GRIK3: variants seen among roughly 807,000 people sequenced by gnomAD.
GRIK3 encodes the protein glutamate ionotropic receptor kainate type subunit 3.
GRIK3 carries 29 observed loss-of-function variants against 102.5 expected under a neutral mutation model. That is an observed-to-expected ratio of 0.28 (90% CI 0.21 to 0.39). The LOEUF is 0.39. Ranked by LOEUF, GRIK3 falls within the 10% of genes least tolerant of loss-of-function variation. The pLI is 1.00. For synonymous variants in GRIK3, 511 were observed against 504.9 expected (o/e 1.01, Z -0.16); for missense variants, 908 against 1,252.4 (o/e 0.73, Z 4.15).
chr1:36,798,179 G>A lies in GRIK3; in HGVS notation c.*3672C>T, dbSNP rs1035704809. 6 of 152,348 alleles carry A rather than the reference G, an allele frequency of 3.9e-5. No individual in the cohort carries two copies. Among genetic ancestry groups the A allele is most frequent in the Non-Finnish European group, 7.3e-5 (5 of 68,132 alleles). The allele number at this position is 152,348 out of a possible 1,614,324, so 9.4% of individuals were successfully genotyped here. On this transcript the variant is annotated 3_prime_UTR_variant, in exon 16 of 16. Transcript: ENST00000373091. Reference sequence around the variant, plus strand: ...AGAAACCAGCAGCAGGACAAGGGGAGAGTGATTGGGAGGGCTCACTGTCCT... The same window carrying A: ...AGAAACCAGCAGCAGGACAAGGGGAAAGTGATTGGGAGGGCTCACTGTCCT...
At chr1:36,976,742 A>G (rs1642200218) in intron 1 of GRIK3, among the ~76,000 whole-genome samples, 1 of 152,140 alleles carries the variant, frequency 6.6e-6, no homozygotes, top group South Asian at 2.1e-4. Context: ...CATCTGAGTT[A>G]CAGTCCCTTC....
chr1:36,899,972 A>T (rs945714150), intron 1 of GRIK3, among the ~76,000 whole-genome samples: 1 of 152,246 alleles, frequency 6.6e-6, no homozygotes, highest in African/African-American at 2.4e-5. Flanking sequence ...ACACCCTTTT[A>T]TCAGAAATGG....
chr1:37,026,843 T>C (rs566559500), intron 1 of GRIK3, among the ~76,000 whole-genome samples: 1 of 152,050 alleles, frequency 6.6e-6, no homozygotes, highest in South Asian at 2.1e-4. Context: ...GAAAAAATTC[T>C]GCAAGTAAAC....
intron 1 of GRIK3, among the ~76,000 whole-genome samples, chr1:36,955,903 A>C (rs1641900208): frequency 6.6e-6 from 1 of 152,248 alleles, no homozygotes; most frequent in Non-Finnish European, 1.5e-5. Flanking sequence ...CTGGCCAGCC[A>C]TGGCCTGTGG....
At chr1:36,917,998 G>A (rs1181715621) in intron 1 of GRIK3, among the ~76,000 whole-genome samples, 1 of 152,220 alleles carries the variant, frequency 6.6e-6, no homozygotes, top group African/African-American at 2.4e-5. Flanking sequence ...GAGCAAAGTT[G>A]CAATCTCAAA....
At chr1:37,005,563 CA>C (rs887434283) in intron 1 of GRIK3, among the ~76,000 whole-genome samples, 2 of 152,140 alleles carry the variant, frequency 1.3e-5, no homozygotes, top group African/African-American at 4.8e-5. Flanking sequence ...CTGGGCCAGC[CA>C]GGGGGAAGTG....
chr1:36,882,358 G>A (rs886877841), intron 2 of GRIK3, among the ~76,000 whole-genome samples: 2 of 152,142 alleles, frequency 1.3e-5, no homozygotes, highest in Non-Finnish European at 2.9e-5. Context: ...ACATCAGTGG[G>A]CACAACAGAG....
chr1:36,904,676 G>A (rs1426321500), intron 1 of GRIK3, among the ~76,000 whole-genome samples: 3 of 152,136 alleles, frequency 2.0e-5, no homozygotes, highest in Admixed American at 2.0e-4. Flanking sequence ...CAACTTGTAG[G>A]CATTATCAAT....
At chr1:36,926,019 G>A (rs756420289) in intron 1 of GRIK3, among the ~76,000 whole-genome samples, 27 of 152,154 alleles carry the variant, frequency 1.8e-4, no homozygotes, top group Non-Finnish European at 3.1e-4. Flanking sequence ...CAAGGTCATT[G>A]TTCACTAACT....
rs78414850 is a variant in GRIK3 at position 36,990,214 on chromosome 1, T to C, written c.115+43780A>G. On this transcript the variant is annotated intron_variant, in intron 1 of 15. Coordinates refer to ENST00000373091, the MANE Select transcript of GRIK3 (RefSeq NM_000831.4). Reference sequence around the variant, plus strand: ...TGCCTCCCTTAGGCTTGGGATCCTGTTTCTGAAATATGAGCCAGCCTTGAC... The same window carrying C: ...TGCCTCCCTTAGGCTTGGGATCCTGCTTCTGAAATATGAGCCAGCCTTGAC... 9.5e-3 allele frequency among the ~76,000 whole-genome samples: 1,447 copies of C among 152,204 alleles called. 12 individuals carry two copies. Among genetic ancestry groups the C allele is most frequent in the Admixed American group, 0.018 (278 of 15,298 alleles).
At chr1:36,867,997 A>G (rs898902746) in intron 5 of GRIK3, among the ~76,000 whole-genome samples, 5 of 152,166 alleles carry the variant, frequency 3.3e-5, no homozygotes, top group Admixed American at 6.5e-5. Context: ...GCACCACCCC[A>G]GTGACCCCAG....
At chr1:36,901,744 C>T (rs185760840) in intron 1 of GRIK3, among the ~76,000 whole-genome samples, 6 of 152,116 alleles carry the variant, frequency 3.9e-5, no homozygotes, top group Admixed American at 6.6e-5. Flanking sequence ...GAAAAGGAAA[C>T]GAAAGAAATT....
At chr1:36,973,620 G>A (rs1642166948) in intron 1 of GRIK3, among the ~76,000 whole-genome samples, 1 of 150,812 alleles carries the variant, frequency 6.6e-6, no homozygotes, top group South Asian at 2.1e-4. Flanking sequence ...ATAGAGATGG[G>A]GTTTCACCAT....
chr1:36,915,667 C>T (rs760130801), intron 1 of GRIK3, among the ~76,000 whole-genome samples: 11 of 152,054 alleles, frequency 7.2e-5, no homozygotes, highest in Non-Finnish European at 1.0e-4. Flanking sequence ...ATAAGTCTCA[C>T]GAGATCTGAT....
chr1:36,806,069 A>G lies in GRIK3; in HGVS notation c.2314+35T>C, dbSNP rs890547460. 1.5e-5 allele frequency: 22 copies of G among 1,490,094 alleles called. No homozygotes were observed. In the Middle Eastern group the frequency reaches 5.6e-4, roughly 38 times the overall value. 92.3% of individuals were successfully genotyped at this position (1,490,094 alleles called of 1,614,324 possible). A position where few individuals can be genotyped will look rare whatever the true frequency, so the allele number is the denominator to read the frequency against. On this transcript the variant is annotated intron_variant, in intron 14 of 15. Coordinates refer to ENST00000373091, the MANE Select transcript of GRIK3 (RefSeq NM_000831.4). This position sits in a 1 kb window ranked among gnomAD's most constrained non-coding sequence, Gnocchi z 4.0. ...GGGGTGGAGCCCTCCCTCTGCCCACACACCCACCCCTCCCACAGGCAGCCC... is the reference window on the plus strand; with the variant it reads ...GGGGTGGAGCCCTCCCTCTGCCCACGCACCCACCCCTCCCACAGGCAGCCC...
chr1:36,919,180 C>G (rs1390421546), intron 1 of GRIK3, among the ~76,000 whole-genome samples: 1 of 152,044 alleles, frequency 6.6e-6, no homozygotes, highest in Non-Finnish European at 1.5e-5. Flanking sequence ...GGTTTGTTCA[C>G]AAACTGAAGA....
intron 1 of GRIK3, among the ~76,000 whole-genome samples, chr1:36,931,939 G>T (rs1384683087): frequency 6.6e-6 from 1 of 152,148 alleles, no homozygotes; most frequent in East Asian, 1.9e-4. Context: ...ATCTTCCAGA[G>T]GACCCAGCTC....
intron 1 of GRIK3, among the ~76,000 whole-genome samples, chr1:36,958,442 G>C (rs1338948279): frequency 2.4e-5 from 3 of 123,964 alleles, no homozygotes; most frequent in Non-Finnish European, 5.0e-5. Context: ...TCTGTGCCCC[G>C]AGTCTGTGTG....
intron 1 of GRIK3, among the ~76,000 whole-genome samples, chr1:36,969,658 C>T (rs1298714802): frequency 1.3e-5 from 2 of 152,128 alleles, no homozygotes; most frequent in Admixed American, 6.5e-5. Flanking sequence ...TGAGGATATT[C>T]GAAAGGGCTT....
Sources: gnomAD v4.1 joint callset for allele counts (sites outside exome capture counted in the v4.1 genomes callset) on GRCh38, gnomAD v4.1.1 for gene constraint, Gnocchi (gnomAD v3.1) non-coding constraint, MANE v1.5 for transcripts, NCBI Gene and HGNC (gene_info 2026-07-23, HGNC 2026-07-21) for gene names.